The following AFAP1 variants were observed in gnomAD, a reference collection of about 807,000 sequenced individuals.
AFAP1 encodes actin filament-associated protein 1.
A neutral mutation model predicts 93.9 loss-of-function variants in AFAP1; 75 were observed. That is an observed-to-expected ratio of 0.80 (90% CI 0.66 to 0.97). AFAP1 has a LOEUF of 0.97. Ranked by LOEUF, AFAP1 falls within the 50% of genes least tolerant of loss-of-function variation. The pLI is 0.00. For missense variants in AFAP1, 1,201 were observed against 1,050.8 expected (o/e 1.14, Z -1.98); for synonymous variants, 517 against 430.7 (o/e 1.20, Z -2.48).
chr4:7,770,254 G>A (rs1299501608), intron 16 of AFAP1, among the ~76,000 whole-genome samples: 1 of 152,222 alleles, frequency 6.6e-6, no homozygotes, highest in Admixed American at 6.5e-5. Flanking sequence ...CAAGGCAGGA[G>A]CTGGAGAAGG....
chr4:7,858,556 G>A (rs1056974271), intron 3 of AFAP1, among the ~76,000 whole-genome samples: 1 of 152,064 alleles, frequency 6.6e-6, no homozygotes, highest in Non-Finnish European at 1.5e-5. Flanking sequence ...TTTCCAATAA[G>A]AATTCACTGA....
chr4:7,782,849 A>G (rs1716906370), intron 12 of AFAP1, among the ~76,000 whole-genome samples: 1 of 152,276 alleles, frequency 6.6e-6, no homozygotes, highest in South Asian at 2.1e-4. Context: ...GTGATCTAAA[A>G]ATAACGGCTC....
At chr4:7,831,580 G>A (rs1193109289) in intron 6 of AFAP1, among the ~76,000 whole-genome samples, 2 of 152,260 alleles carry the variant, frequency 1.3e-5, no homozygotes, top group Admixed American at 6.5e-5. Context: ...GTTTGTCAGC[G>A]CACTGTCGGC....
intron 4 of AFAP1, among the ~76,000 whole-genome samples, chr4:7,853,126 G>A (rs113224926): frequency 1.0e-3 from 152 of 149,182 alleles, no homozygotes; most frequent in African/African-American, 3.3e-3. Context: ...GCCTAGCAAG[G>A]CTGGAATCAC....
At chr4:7,874,129 C>G (rs899864167) in intron 1 of AFAP1, among the ~76,000 whole-genome samples, 7 of 152,112 alleles carry the variant, frequency 4.6e-5, no homozygotes, top group African/African-American at 1.4e-4. Context: ...CATGATGTAA[C>G]AAAGTCATGT....
At chr4:7,862,979 G>C (rs925843439) in intron 3 of AFAP1, among the ~76,000 whole-genome samples, 5 of 152,196 alleles carry the variant, frequency 3.3e-5, no homozygotes, top group Non-Finnish European at 5.9e-5. Flanking sequence ...TGGGCAGTGG[G>C]TCACGGCAGC....
chr4:7,900,591 G>A (rs573466055), intron 1 of AFAP1, among the ~76,000 whole-genome samples: 1 of 152,244 alleles, frequency 6.6e-6, no homozygotes, highest in African/African-American at 2.4e-5. Context: ...CCACGCCAGC[G>A]ACTCCAAGTA....
chr4:7,818,725 C>T (rs1013016311), intron 7 of AFAP1, among the ~76,000 whole-genome samples: 1 of 152,180 alleles, frequency 6.6e-6, no homozygotes, highest in Non-Finnish European at 1.5e-5. Flanking sequence ...GGGAAGAGAC[C>T]TTTGGGAAGG....
At position 7,915,897 on chromosome 4, in the gene AFAP1, A is replaced by G. The variant is rs532403890; in HGVS notation, c.-3+23759T>C. 1.0e-4 allele frequency among the ~76,000 whole-genome samples: 16 copies of G among 152,386 alleles called. No homozygotes were observed. The Middle Eastern group carries it at 0.02, about 194-fold the overall frequency. On this transcript the variant is annotated intron_variant, in intron 1 of 17. Coordinates refer to ENST00000420658, the MANE Select transcript of AFAP1 (RefSeq NM_001134647.2). ...GCGGATAAAGGAAACCAAAATAATTACTTAATTTTTAATAAGAATTTTTTT... is the reference window on the plus strand; with the variant it reads ...GCGGATAAAGGAAACCAAAATAATTGCTTAATTTTTAATAAGAATTTTTTT...
chr4:7,798,199 G>T lies in AFAP1; in HGVS notation c.1266+2243C>A, dbSNP rs1202011453. Among the ~76,000 whole-genome samples, 7 of 122,774 alleles carry T rather than the reference G, an allele frequency of 5.7e-5. No individual in the cohort carries two copies. In the Admixed American group the frequency reaches 5.8e-4, roughly 10 times the overall value. 80.5% of individuals were successfully genotyped at this position (122,774 alleles called of 152,430 possible). Reference sequence around the variant, plus strand: ...GGCTCACGGCACTGCAACTCTATTGGCTGGCTCACGGCACTGCAACTCTAT... The same window carrying T: ...GGCTCACGGCACTGCAACTCTATTGTCTGGCTCACGGCACTGCAACTCTAT... On this transcript the variant is annotated intron_variant, in intron 10 of 17. Transcript: ENST00000420658.
At chr4:7,850,013 G>C (rs956181424) in intron 4 of AFAP1, among the ~76,000 whole-genome samples, 2 of 152,152 alleles carry the variant, frequency 1.3e-5, no homozygotes, top group Non-Finnish European at 2.9e-5. Flanking sequence ...GACGAGGAGA[G>C]AAGCCCTCAG....
In AFAP1 at chr4:7,800,530, C is replaced by T. The variant is rs146426247; in HGVS notation, c.1178G>A (p.Arg393His). Reference sequence around the variant, plus strand: ...CAAACCCGGGATCACCTCGCAGCCACGGAGCGGAATAGACACAATATGGGT... The same window carrying T: ...CAAACCCGGGATCACCTCGCAGCCATGGAGCGGAATAGACACAATATGGGT... ...LKTHIVSIPL[R>H]GCEVIPGLDS... The change falls in exon 10 of 18, where the codon CGT (arginine) becomes CAT (histidine). Residue 393 changes from arginine (R) to histidine (H), a missense_variant. Arg to His is a conservative substitution (Grantham distance 29). Transcript: ENST00000420658. The T allele has an allele frequency of 1.7e-4, 275 of 1,614,204 alleles. No individual in the cohort carries two copies. The African/African-American group carries it at 2.6e-3, about 15-fold the overall frequency.
At chr4:7,814,551 CG>C in intron 8 of AFAP1, among the ~76,000 whole-genome samples, 1 of 152,316 alleles carries the variant, frequency 6.6e-6, no homozygotes, top group Non-Finnish European at 1.5e-5. Flanking sequence ...GGGCTGACTA[CG>C]GTCCATCCAC....
chr4:7,787,244 G>A (rs990297046), intron 11 of AFAP1, among the ~76,000 whole-genome samples: 1 of 152,232 alleles, frequency 6.6e-6, no homozygotes, highest in African/African-American at 2.4e-5. Context: ...CGGGAGCGTG[G>A]TGCGCCCAGC....
intron 17 of AFAP1, among the ~76,000 whole-genome samples, chr4:7,766,033 G>A (rs1283607502): frequency 1.3e-5 from 2 of 152,210 alleles, no homozygotes; most frequent in Non-Finnish European, 2.9e-5. Context: ...GTCTCCGCAT[G>A]CTGCATACAA....
intron 17 of AFAP1, among the ~76,000 whole-genome samples, chr4:7,768,546 G>T (rs929070337): frequency 6.6e-6 from 1 of 152,108 alleles, no homozygotes; most frequent in Non-Finnish European, 1.5e-5. Flanking sequence ...CTGAGAAAAC[G>T]AGTCCAGAGG....
chr4:7,768,477 A>G (rs1353951219), intron 17 of AFAP1, among the ~76,000 whole-genome samples: 3 of 152,110 alleles, frequency 2.0e-5, no homozygotes, highest in Non-Finnish European at 4.4e-5. Flanking sequence ...CTAAAGAATC[A>G]CACATCTGAG....
At chr4:7,849,018 G>A (rs115735355) in intron 4 of AFAP1, among the ~76,000 whole-genome samples, 63 of 152,262 alleles carry the variant, frequency 4.1e-4, no homozygotes, top group Non-Finnish European at 8.4e-4. Context: ...CTTTCCAAGG[G>A]GCCATGCCTT....
At chr4:7,797,680 A>G (rs992288808) in intron 10 of AFAP1, among the ~76,000 whole-genome samples, 10 of 152,240 alleles carry the variant, frequency 6.6e-5, no homozygotes, top group African/African-American at 2.4e-4. Context: ...CATGATAGGA[A>G]TAACTAGAAA....
Sources: allele counts gnomAD v4.1 joint callset (sites outside exome capture counted in the v4.1 genomes callset), GRCh38; gene constraint gnomAD v4.1.1; transcripts MANE v1.5; gene names NCBI Gene and HGNC (gene_info 2026-07-23, HGNC 2026-07-21).